ADAMTS19: variants seen among roughly 807,000 people sequenced by gnomAD.
ADAMTS19 encodes A disintegrin and metalloproteinase with thrombospondin motifs 19.
Under a neutral mutation model 153.3 loss-of-function variants are expected in ADAMTS19, and 93 were observed. The observed-to-expected ratio is 0.61, with a 90% CI of 0.51 to 0.72. ADAMTS19 has a LOEUF of 0.72. Among genes scored for constraint, ADAMTS19 ranks in the 30% least tolerant of loss-of-function variants. The probability of loss-of-function intolerance (pLI) is 0.00; values close to 1 mark genes in which losing one functional copy is unlikely to be tolerated. For synonymous variants in ADAMTS19, 600 were observed against 556.6 expected (o/e 1.08, Z -1.10); for missense variants, 1,482 against 1,552.1 (o/e 0.95, Z 0.76).
intron 6 of ADAMTS19, 53 bp from the exon 7 acceptor site, chr5:129,551,811 T>A: frequency 8.4e-7 from 1 of 1,196,646 alleles, no homozygotes; most frequent in South Asian, 1.5e-5. Flanking sequence ...ACTTGATGTC[T>A]TGTTTGTACA....
In ADAMTS19 at chr5:129,681,669, G is replaced by A. The variant is rs78327597; in HGVS notation, c.2664+1748G>A. On this transcript the variant is annotated intron_variant, in intron 17 of 22. Transcript: ENST00000274487. ...TCTATGCTACCTCGCTGACACAGAGGTCCAAAGAACTTGGATCCAAAGCTT... is the reference window on the plus strand; with the variant it reads ...TCTATGCTACCTCGCTGACACAGAGATCCAAAGAACTTGGATCCAAAGCTT... 8.4e-3 allele frequency among the ~76,000 whole-genome samples: 1,275 copies of A among 152,190 alleles called. 20 individuals are homozygous for A. The highest frequency in any genetic ancestry group is 0.025 in the African/African-American group (1,034 of 41,508).
intron 17 of ADAMTS19, among the ~76,000 whole-genome samples, chr5:129,680,211 T>A (rs995298220): frequency 6.6e-6 from 1 of 152,156 alleles, no homozygotes; most frequent in African/African-American, 2.4e-5. Context: ...ATACATTTAC[T>A]AACTGAAGAG....
chr5:129,667,318 C>T (rs950736119), intron 16 of ADAMTS19, among the ~76,000 whole-genome samples: 1 of 152,268 alleles, frequency 6.6e-6, no homozygotes, highest in Non-Finnish European at 1.5e-5. Flanking sequence ...CAGGGAATTA[C>T]ATCTAGCTCT....
chr5:129,636,333 C>T (rs1752532589), intron 10 of ADAMTS19, among the ~76,000 whole-genome samples: 1 of 152,182 alleles, frequency 6.6e-6, no homozygotes. Context: ...ATTAATCCAC[C>T]ATTCCAGAAG....
At chr5:129,650,221 TG>T (rs2127046033) in intron 13 of ADAMTS19, among the ~76,000 whole-genome samples, 1 of 152,278 alleles carries the variant, frequency 6.6e-6, no homozygotes, top group Non-Finnish European at 1.5e-5. Flanking sequence ...GCTGTGGGTG[TG>T]GGCTGAGTTG....
At chr5:129,527,907 G>A in intron 5 of ADAMTS19, 76 bp downstream of exon 5, 2 of 896,388 alleles carry the variant, frequency 2.2e-6, no homozygotes, top group Admixed American at 2.0e-5. Context: ...TAAAGGGAAT[G>A]TTAAGGATGT....
chr5:129,675,951 C>G (rs1032534444), intron 16 of ADAMTS19, among the ~76,000 whole-genome samples: 1 of 152,064 alleles, frequency 6.6e-6, no homozygotes, highest in Non-Finnish European at 1.5e-5. Context: ...TTGCTTGAAC[C>G]CATGAGGCAG....
chr5:129,546,790 T>A (rs1315396664), intron 6 of ADAMTS19, among the ~76,000 whole-genome samples: 1 of 151,110 alleles, frequency 6.6e-6, no homozygotes, highest in Non-Finnish European at 1.5e-5. Context: ...AAATTATAAC[T>A]GAGAAAATAA....
intron 21 of ADAMTS19, among the ~76,000 whole-genome samples, chr5:129,720,322 C>A (rs1227357100): frequency 6.6e-6 from 1 of 151,704 alleles, no homozygotes; most frequent in Non-Finnish European, 1.5e-5. Flanking sequence ...AAGGTGTCCG[C>A]CACCACGCCC....
At chr5:129,602,148 A>G (rs973374375) in intron 8 of ADAMTS19, among the ~76,000 whole-genome samples, 4 of 152,212 alleles carry the variant, frequency 2.6e-5, no homozygotes, top group Non-Finnish European at 4.4e-5. Context: ...GCTGGAGTGC[A>G]ATGGCACGAT....
At chr5:129,516,972 CTT>C (rs1751637996) in intron 3 of ADAMTS19, among the ~76,000 whole-genome samples, 1 of 145,858 alleles carries the variant, frequency 6.9e-6, no homozygotes, top group South Asian at 2.1e-4. Flanking sequence ...TTTTGGTATG[CTT>C]TGTTTCCATT....
At chr5:129,642,333 A>G (rs1480013741) in intron 11 of ADAMTS19, among the ~76,000 whole-genome samples, 1 of 152,126 alleles carries the variant, frequency 6.6e-6, no homozygotes, top group African/African-American at 2.4e-5. Context: ...TCAAGTATAA[A>G]ATAATTGACT....
chr5:129,576,586 C>CTT (rs79974624), intron 7 of ADAMTS19, among the ~76,000 whole-genome samples: 15 of 140,726 alleles, frequency 1.1e-4, no homozygotes, highest in African/African-American at 3.6e-4. Flanking sequence ...TTGCTTTATT[C>CTT]TTTTTTTTTT....
At chr5:129,684,371 C>A in intron 18 of ADAMTS19, 98 bp downstream of exon 18, 1 of 1,433,912 alleles carries the variant, frequency 7.0e-7, no homozygotes, top group East Asian at 2.4e-5. Context: ...ATCTGCAATT[C>A]CAAAATCCAT....
intron 3 of ADAMTS19, among the ~76,000 whole-genome samples, chr5:129,510,975 G>A (rs1751422793): frequency 6.6e-6 from 1 of 151,446 alleles, no homozygotes; most frequent in Non-Finnish European, 1.5e-5. Flanking sequence ...GATTTACTGA[G>A]CTTACCTATT....
chr5:129,735,963 A>C (rs73785274), intron 22 of ADAMTS19, among the ~76,000 whole-genome samples: 1,576 of 152,152 alleles, frequency 0.01, 25 homozygotes, highest in African/African-American at 0.035. Context: ...AAATGTAAGA[A>C]GATAAATTAT....
intron 18 of ADAMTS19, among the ~76,000 whole-genome samples, chr5:129,692,506 C>G (rs537965274): frequency 6.6e-6 from 1 of 152,154 alleles, no homozygotes; most frequent in Non-Finnish European, 1.5e-5. Flanking sequence ...CTGCCAGAGA[C>G]GTGAAAGACT....
Position 129,622,357 on chromosome 5 carries a change from C to G in ADAMTS19, c.1770+9C>G. ...TTTGTCAGGAGATGCAGGTAAAGATCCAGGTGGGGATTTTGTGCGTTCATT... is the reference window on the plus strand; with the variant it reads ...TTTGTCAGGAGATGCAGGTAAAGATGCAGGTGGGGATTTTGTGCGTTCATT... On this transcript the variant is annotated intron_variant, in intron 10 of 22. Coordinates refer to ENST00000274487, the MANE Select transcript of ADAMTS19 (RefSeq NM_133638.6). 1 of 1,613,630 alleles carries G rather than the reference C, an allele frequency of 6.2e-7. No individual in the cohort carries two copies. The highest frequency in any genetic ancestry group is 1.3e-5 in the African/African-American group (1 of 74,960).
intron 7 of ADAMTS19, among the ~76,000 whole-genome samples, chr5:129,571,769 T>A (rs1432047650): frequency 4.6e-5 from 7 of 151,694 alleles, no homozygotes; most frequent in African/African-American, 1.7e-4. Flanking sequence ...AAACAAGGGT[T>A]TAGTAATCAA....
Sources: allele counts gnomAD v4.1 joint callset (sites outside exome capture counted in the v4.1 genomes callset), GRCh38; gene constraint gnomAD v4.1.1; transcripts MANE v1.5; gene names NCBI Gene and HGNC (gene_info 2026-07-23, HGNC 2026-07-21).